The following MNAT1 variants were observed in gnomAD, a reference collection of about 807,000 sequenced individuals.
MNAT1 encodes CDK-activating kinase assembly factor MAT1.
In MNAT1, 43 loss-of-function variants were observed where a neutral mutation model predicts 42.0. That is an observed-to-expected ratio of 1.02 (90% confidence interval 0.80 to 1.32). The LOEUF (loss-of-function observed/expected upper bound fraction) is 1.32, where lower values mean the gene tolerates loss of function less well. Ranked by LOEUF, MNAT1 falls within the 40% of genes most tolerant of loss-of-function variation. The probability of loss-of-function intolerance (pLI) is 0.00; values close to 1 mark genes in which losing one functional copy is unlikely to be tolerated. For synonymous variants in MNAT1, 118 were observed against 120.0 expected, an observed-to-expected ratio of 0.98 and a Z score of 0.11; for missense variants, 306 against 350.4, an observed-to-expected ratio of 0.87 and a Z score of 1.01.
At chr14:60,946,639 T>A (rs1261997497) in intron 7 of MNAT1, among the ~76,000 whole-genome samples, 1 of 152,154 alleles carries the variant, frequency 6.6e-6, no homozygotes, top group African/African-American at 2.4e-5. Context: ...TCTCATTCAC[T>A]ATCACTAATT....
intron 7 of MNAT1, among the ~76,000 whole-genome samples, chr14:60,931,040 T>C (rs1401263737): frequency 1.3e-5 from 2 of 152,128 alleles, no homozygotes; most frequent in Non-Finnish European, 2.9e-5. Flanking sequence ...GATCATGTAT[T>C]TGAGAAGCCT....
chr14:60,835,078 C>CT (rs1011196458), intron 6 of MNAT1, among the ~76,000 whole-genome samples: 4 of 149,022 alleles, frequency 2.7e-5, no homozygotes, highest in Admixed American at 1.4e-4. Flanking sequence ...TCAAGCCTGG[C>CT]TTTTTTTTGC....
intron 7 of MNAT1, among the ~76,000 whole-genome samples, chr14:60,907,666 C>T (rs1398529750): frequency 2.0e-5 from 3 of 150,814 alleles, no homozygotes; most frequent in Non-Finnish European, 2.9e-5. Flanking sequence ...CCTGTAATCC[C>T]AGCTACTCAC....
chr14:60,772,493 G>C (rs1194900405), intron 1 of MNAT1, among the ~76,000 whole-genome samples: 1 of 152,026 alleles, frequency 6.6e-6, no homozygotes, highest in Non-Finnish European at 1.5e-5. Context: ...CTACTCTGGA[G>C]GCTGACACAG....
rs1375689035 is a variant in MNAT1, at chr14:60,969,157, A to G, written c.*808A>G. 6.6e-6 allele frequency: 1 copy of G among 152,230 alleles called. No homozygotes were observed. Among genetic ancestry groups the G allele is most frequent in the Non-Finnish European group, 1.5e-5 (1 of 68,070 alleles). 9.4% of individuals were successfully genotyped at this position (152,230 alleles called of 1,614,324 possible). A position where few individuals can be genotyped will look rare whatever the true frequency, so the allele number is the denominator to read the frequency against. ...TTTAAGTACAGTTCCCTATGTATAA[A>G]TTGTATACTGATACAGTTTTTTTGT... On this transcript the variant is annotated 3_prime_UTR_variant, in exon 8 of 8. Coordinates refer to ENST00000261245, the MANE Select transcript of MNAT1 (RefSeq NM_002431.4).
intron 1 of MNAT1, among the ~76,000 whole-genome samples, chr14:60,742,616 C>G (rs1896507187): frequency 6.6e-6 from 1 of 152,184 alleles, no homozygotes; most frequent in African/African-American, 2.4e-5. Context: ...TATTACCCCA[C>G]AAAGATACCT....
At chr14:60,905,626 G>T (rs752571) in intron 7 of MNAT1, among the ~76,000 whole-genome samples, 139,849 of 152,168 alleles carry the variant, frequency 0.92, 64,882 homozygotes, top group Non-Finnish European at 0.99. Flanking sequence ...GAGGTTGAAG[G>T]CCTGAGAATG....
chr14:60,965,600 C>T (rs957231081), intron 7 of MNAT1, among the ~76,000 whole-genome samples: 1 of 152,168 alleles, frequency 6.6e-6, no homozygotes, highest in Non-Finnish European at 1.5e-5. Flanking sequence ...CAAGCTGTAC[C>T]AAAATGTGAT....
chr14:60,846,641 T>G (rs1282131141), intron 6 of MNAT1, among the ~76,000 whole-genome samples: 1 of 152,232 alleles, frequency 6.6e-6, no homozygotes, highest in East Asian at 1.9e-4. Flanking sequence ...TTTTTTCTTG[T>G]GATTTCTTGT....
chr14:60,820,014 T>A (rs1436897238), intron 6 of MNAT1, among the ~76,000 whole-genome samples: 1 of 152,142 alleles, frequency 6.6e-6, no homozygotes, highest in Non-Finnish European at 1.5e-5. Context: ...TTTATATACA[T>A]AAAATTCATT....
intron 3 of MNAT1, among the ~76,000 whole-genome samples, chr14:60,805,850 G>A (rs1467425860): frequency 6.6e-6 from 1 of 152,180 alleles, no homozygotes; most frequent in Admixed American, 6.5e-5. Context: ...TCATGTGTGG[G>A]TTTTTGTGTG....
chr14:60,897,722 T>C (rs1422920821), intron 7 of MNAT1, among the ~76,000 whole-genome samples: 1 of 152,180 alleles, frequency 6.6e-6, no homozygotes, highest in Non-Finnish European at 1.5e-5. Flanking sequence ...ACCTTGAGTA[T>C]TTATTATTTC....
chr14:60,862,501 G>A (rs1413808720), intron 6 of MNAT1, among the ~76,000 whole-genome samples: 1 of 152,162 alleles, frequency 6.6e-6, no homozygotes, highest in Non-Finnish European at 1.5e-5. Context: ...CAGCACAAGG[G>A]CTCAGTGCCA....
chr14:60,812,162 A>T, intron 5 of MNAT1, 35 bp downstream of exon 5: 1 of 1,482,878 alleles, frequency 6.7e-7, no homozygotes, highest in Non-Finnish European at 8.9e-7. Flanking sequence ...TGTAAAAAAC[A>T]TTCTTCAGGA....
At chr14:60,861,140 TG>T (rs1419139901) in intron 6 of MNAT1, among the ~76,000 whole-genome samples, 1 of 152,174 alleles carries the variant, frequency 6.6e-6, no homozygotes, top group African/African-American at 2.4e-5. Context: ...TGAATATAGT[TG>T]GTTAGTAATT....
chr14:60,794,652 A>ATATATATAT (rs1438588804), intron 1 of MNAT1, among the ~76,000 whole-genome samples: 1 of 97,236 alleles, frequency 1.0e-5, no homozygotes, highest in South Asian at 3.2e-4. Context: ...AAAAAAAAAA[A>ATATATATAT]AAAAAAAAAT....
rs1044663806 is a variant in MNAT1, at chr14:60,738,085, A to G, written c.89+3134A>G. Among the ~76,000 whole-genome samples the G allele has an allele frequency of 3.4e-3, 511 of 151,196 alleles. 1 individual carries two copies. Among genetic ancestry groups the G allele is most frequent in the Non-Finnish European group, 5.9e-3 (400 of 67,782 alleles). ...AGGAGGGAAACCCTATCTTACAAAA[A>G]AAAAAAAAAAAAGATCTTGTCAATT... is the stretch of plus-strand genomic sequence containing the variant. On this transcript the variant is annotated intron_variant, in intron 1 of 7. Coordinates refer to ENST00000261245, the MANE Select transcript of MNAT1 (RefSeq NM_002431.4).
intron 6 of MNAT1, among the ~76,000 whole-genome samples, chr14:60,856,205 G>A (rs748939056): frequency 6.6e-6 from 1 of 152,190 alleles, no homozygotes; most frequent in Non-Finnish European, 1.5e-5. Flanking sequence ...CAAAAGAAAC[G>A]TTCTTGAAGG....
chr14:60,857,215 G>A (rs2033982594), intron 6 of MNAT1, among the ~76,000 whole-genome samples: 1 of 152,226 alleles, frequency 6.6e-6, no homozygotes, highest in Non-Finnish European at 1.5e-5. Flanking sequence ...TGTACGAGGA[G>A]ATGAAGGTTG....
Sources: allele counts gnomAD v4.1 joint callset (sites outside exome capture counted in the v4.1 genomes callset), GRCh38; gene constraint gnomAD v4.1.1; transcripts MANE v1.5; gene names NCBI Gene and HGNC (gene_info 2026-07-23, HGNC 2026-07-21).